Variants in NRXN3 observed in about 807,000 individuals in gnomAD.
NRXN3 encodes the protein neurexin III.
A neutral mutation model predicts 137.6 loss-of-function variants in NRXN3; 32 were observed. The observed-to-expected ratio is 0.23, with a 90% confidence interval of 0.18 to 0.31. NRXN3 has a LOEUF of 0.31. Ranked by LOEUF, NRXN3 falls within the 10% of genes least tolerant of loss-of-function variation. NRXN3 has a pLI of 1.00. For missense variants in NRXN3, 1,574 were observed against 2,062.5 expected (o/e 0.76, Z 4.59); for synonymous variants, 798 against 784.5 (o/e 1.02, Z -0.29).
At chr14:78,996,052 G>A (rs1450340645) in intron 15 of NRXN3, among the ~76,000 whole-genome samples, 1 of 152,012 alleles carries the variant, frequency 6.6e-6, no homozygotes, top group Non-Finnish European at 1.5e-5. Context: ...TCTCGGGTGG[G>A]CCTGTTAAAC....
intron 4 of NRXN3, among the ~76,000 whole-genome samples, chr14:78,370,202 C>G (rs1274188237): frequency 6.6e-6 from 1 of 152,154 alleles, no homozygotes; most frequent in African/African-American, 2.4e-5. Flanking sequence ...TCCAATCATT[C>G]CAACGTAGTG....
At chr14:79,623,032 G>T (rs2098241884) in intron 16 of NRXN3, among the ~76,000 whole-genome samples, 1 of 152,184 alleles carries the variant, frequency 6.6e-6, no homozygotes, top group South Asian at 2.1e-4. Context: ...CAAATACTAT[G>T]ATATTAGAAA....
chr14:79,743,856 C>A (rs1018921357), intron 19 of NRXN3, among the ~76,000 whole-genome samples: 1 of 152,116 alleles, frequency 6.6e-6, no homozygotes, highest in Non-Finnish European at 1.5e-5. Flanking sequence ...ATGTTTGAGG[C>A]CTCTGGGCCC....
chr14:79,810,412 T>C (rs759154527), intron 20 of NRXN3, among the ~76,000 whole-genome samples: 1 of 152,206 alleles, frequency 6.6e-6, no homozygotes, highest in Non-Finnish European at 1.5e-5. Context: ...ATGAAACACA[T>C]CCATCCATCA....
At chr14:78,971,456 A>T (rs1037670055) in intron 14 of NRXN3, among the ~76,000 whole-genome samples, 4 of 152,014 alleles carry the variant, frequency 2.6e-5, no homozygotes, top group Admixed American at 6.6e-5. Context: ...ACACACACAC[A>T]GATAGATAAG....
At chr14:79,298,212 G>A (rs961044347) in intron 15 of NRXN3, among the ~76,000 whole-genome samples, 2 of 151,912 alleles carry the variant, frequency 1.3e-5, no homozygotes, top group African/African-American at 4.8e-5. Context: ...TCTAAAAATG[G>A]GCTATAACTG....
intron 17 of NRXN3, among the ~76,000 whole-genome samples, chr14:79,686,834 A>G (rs1279310545): frequency 6.6e-6 from 1 of 152,160 alleles, no homozygotes; most frequent in Non-Finnish European, 1.5e-5. Context: ...GTCTGCTCGT[A>G]TATATTTGCC....
intron 19 of NRXN3, among the ~76,000 whole-genome samples, chr14:79,705,135 A>G (rs1046885405): frequency 3.9e-5 from 6 of 152,292 alleles, no homozygotes; most frequent in African/African-American, 1.4e-4. Flanking sequence ...AGAACTACTA[A>G]TAAAGTGCTG....
chr14:79,565,338 CAT>C (rs1602190713), intron 16 of NRXN3, among the ~76,000 whole-genome samples: 1 of 134,476 alleles, frequency 7.4e-6, no homozygotes, highest in African/African-American at 2.9e-5. Flanking sequence ...TATATATATA[CAT>C]ATGTGTGCGT....
At position 78,643,875 on chromosome 14, in the gene NRXN3, G is replaced by A. The variant is rs570896843; in HGVS notation, c.758-1245G>A. 5.9e-5 allele frequency among the ~76,000 whole-genome samples: 9 copies of A among 152,316 alleles called. No individual in the cohort carries two copies. In the East Asian group the frequency reaches 1.5e-3, roughly 26 times the overall value. On this transcript the variant is annotated intron_variant, in intron 4 of 20. Coordinates refer to ENST00000335750, the MANE Select transcript of NRXN3 (RefSeq NM_001330195.2). ...GATGGATCAAGGGCTGGGTGCAGTG[G>A]CTCACGCCTGTAATCCTAACACTTT...
chr14:78,715,251 G>C (rs2098426036), intron 8 of NRXN3, 112 bp downstream of exon 8: 1 of 1,365,326 alleles, frequency 7.3e-7, no homozygotes, highest in Non-Finnish European at 9.8e-7. Flanking sequence ...TTTCTTCCAA[G>C]AGTTTTTGGG....
Position 78,536,620 on chromosome 14 carries a change from T to A in NRXN3, c.758-108500T>A, listed in dbSNP as rs557519422. Reference sequence around the variant, plus strand: ...ACAGATTATTTTTCTTTTTTTTTTTTATTATACTTTAAGTTCTAGGGTACA... The same window carrying A: ...ACAGATTATTTTTCTTTTTTTTTTTAATTATACTTTAAGTTCTAGGGTACA... On this transcript the variant is annotated intron_variant, in intron 4 of 20. Coordinates refer to ENST00000335750, the MANE Select transcript of NRXN3 (RefSeq NM_001330195.2). Among the ~76,000 whole-genome samples the A allele has an allele frequency of 1.0e-3, 153 of 151,714 alleles. 1 individual carries two copies. The highest frequency in any genetic ancestry group is 2.7e-4 in the Non-Finnish European group (18 of 67,922).
At chr14:78,441,063 A>G (rs1301425137) in intron 4 of NRXN3, among the ~76,000 whole-genome samples, 2 of 151,944 alleles carry the variant, frequency 1.3e-5, no homozygotes, top group Non-Finnish European at 2.9e-5. Flanking sequence ...CCTCTCTGTG[A>G]ATTGCTTGCA....
At chr14:78,781,906 T>G (rs1253699025) in intron 8 of NRXN3, among the ~76,000 whole-genome samples, 2 of 152,186 alleles carry the variant, frequency 1.3e-5, no homozygotes, top group African/African-American at 4.8e-5. Context: ...GAGAAAAGAA[T>G]ACTTTGCAAA....
At chr14:78,643,729 G>A (rs1219649027) in intron 4 of NRXN3, among the ~76,000 whole-genome samples, 1 of 152,018 alleles carries the variant, frequency 6.6e-6, no homozygotes, top group African/African-American at 2.4e-5. Flanking sequence ...TATCATGAAG[G>A]GTCTGGTATG....
intron 19 of NRXN3, among the ~76,000 whole-genome samples, chr14:79,783,151 T>C (rs1376566896): frequency 6.6e-6 from 1 of 152,206 alleles, no homozygotes; most frequent in Non-Finnish European, 1.5e-5. Context: ...TTTTTAATGA[T>C]ATGATTTTGG....
intron 15 of NRXN3, among the ~76,000 whole-genome samples, chr14:79,296,304 G>T (rs2084105159): frequency 6.6e-6 from 1 of 152,110 alleles, no homozygotes; most frequent in Non-Finnish European, 1.5e-5. Context: ...GAGATAAGTA[G>T]AAACTACCGT....
intron 15 of NRXN3, among the ~76,000 whole-genome samples, chr14:78,990,299 G>A (rs1215077744): frequency 6.6e-6 from 1 of 151,558 alleles, no homozygotes; most frequent in Non-Finnish European, 1.5e-5. Context: ...CCTGGAGATT[G>A]GACCACGGCT....
intron 15 of NRXN3, among the ~76,000 whole-genome samples, chr14:79,242,831 C>A (rs1019460921): frequency 1.1e-4 from 17 of 152,140 alleles, no homozygotes; most frequent in Admixed American, 7.9e-4. Context: ...GCAGTTCATT[C>A]ATTACATATG....
Sources: gnomAD v4.1 joint callset for allele counts (sites outside exome capture counted in the v4.1 genomes callset) on GRCh38, gnomAD v4.1.1 for gene constraint, MANE v1.5 for transcripts, NCBI Gene and HGNC (gene_info 2026-07-23, HGNC 2026-07-21) for gene names.